SAMMSON: variants seen among roughly 807,000 people sequenced by gnomAD.
SAMMSON encodes the protein survival associated mitochondrial melanoma specific oncogenic non-coding RNA, also known as long intergenic non-protein coding RNA 1212.
At chr3:70,349,706 G>A (rs1441844154) in intron 7 of SAMMSON, among the ~76,000 whole-genome samples, 1 of 152,158 alleles carries the variant, frequency 6.6e-6, no homozygotes, top group Non-Finnish European at 1.5e-5. Context: ...GAAACAGTAT[G>A]AGCAAGAAGT....
intron 7 of SAMMSON, among the ~76,000 whole-genome samples, chr3:70,350,917 G>C (rs1702789992): frequency 6.6e-6 from 1 of 152,066 alleles, no homozygotes; most frequent in African/African-American, 2.4e-5. Context: ...TAGGTAAAAA[G>C]CACTTCAGAC....
At chr3:70,295,673 C>T (rs1254887141) in intron 7 of SAMMSON, among the ~76,000 whole-genome samples, 2 of 152,104 alleles carry the variant, frequency 1.3e-5, no homozygotes, top group Admixed American at 1.3e-4. Flanking sequence ...GCTTGAGTGA[C>T]AGTGTGAGAC....
chr3:70,027,532 T>A (rs1576101380), intron 3 of SAMMSON, among the ~76,000 whole-genome samples: 1 of 152,218 alleles, frequency 6.6e-6, no homozygotes, highest in Non-Finnish European at 1.5e-5. Context: ...TCATCAAAAA[T>A]CAATTTAATG....
chr3:70,278,127 C>T (rs901579097), intron 6 of SAMMSON, among the ~76,000 whole-genome samples: 1 of 152,146 alleles, frequency 6.6e-6, no homozygotes, highest in African/African-American at 2.4e-5. Context: ...ACCTTTGCCC[C>T]CAACTTCTTC....
intron 4 of SAMMSON, among the ~76,000 whole-genome samples, chr3:70,190,049 C>A (rs1170161160): frequency 6.6e-6 from 1 of 152,098 alleles, no homozygotes; most frequent in East Asian, 1.9e-4. Flanking sequence ...CTTAATGTAG[C>A]TAAAAATATA....
intron 4 of SAMMSON, among the ~76,000 whole-genome samples, chr3:70,189,453 T>C (rs1701115460): frequency 6.6e-6 from 1 of 152,186 alleles, no homozygotes; most frequent in South Asian, 2.1e-4. Flanking sequence ...TATTGAGAAG[T>C]CAGTTTCCAT....
At chr3:70,055,615 C>T (rs946250852) in intron 3 of SAMMSON, among the ~76,000 whole-genome samples, 5 of 152,086 alleles carry the variant, frequency 3.3e-5, no homozygotes, top group African/African-American at 4.8e-5. Context: ...TCAAATTTAT[C>T]GACATGCATT....
chr3:70,395,527 A>G (rs1186631014), intron 2 of SAMMSON, among the ~76,000 whole-genome samples: 3 of 151,978 alleles, frequency 2.0e-5, no homozygotes, highest in Non-Finnish European at 2.9e-5. Context: ...ATTCAAAACT[A>G]TTTTGTTGAA....
chr3:70,357,136 G>A (rs1214023287), intron 8 of SAMMSON, among the ~76,000 whole-genome samples: 5 of 152,024 alleles, frequency 3.3e-5, no homozygotes, highest in African/African-American at 1.2e-4. Context: ...GATGATTTTA[G>A]GATGCATTCT....
chr3:70,318,777 C>A (rs779566841), intron 7 of SAMMSON, among the ~76,000 whole-genome samples: 2 of 151,914 alleles, frequency 1.3e-5, no homozygotes, highest in African/African-American at 4.8e-5. Flanking sequence ...TTTGTCATAG[C>A]AAGTAGTTAA....
chr3:70,389,029 A>G (rs989385408), intron 9 of SAMMSON, among the ~76,000 whole-genome samples: 5 of 152,020 alleles, frequency 3.3e-5, no homozygotes, highest in Non-Finnish European at 5.9e-5. Context: ...TGTTAAAAAG[A>G]ATCTGGCTTC....
At chr3:70,022,539 G>GA (rs950535691) in intron 3 of SAMMSON, among the ~76,000 whole-genome samples, 2 of 151,206 alleles carry the variant, frequency 1.3e-5, no homozygotes, top group Non-Finnish European at 2.9e-5. Context: ...TGGTCTTTCA[G>GA]TTGGGAACAT....
intron 2 of SAMMSON, among the ~76,000 whole-genome samples, chr3:70,399,351 C>G (rs890791529): frequency 6.6e-6 from 1 of 152,066 alleles, no homozygotes; most frequent in African/African-American, 2.4e-5. Context: ...AGGTGGGTCA[C>G]AAAAGTATGA....
At chr3:70,385,728 T>C (rs541795990) in intron 9 of SAMMSON, among the ~76,000 whole-genome samples, 1 of 152,088 alleles carries the variant, frequency 6.6e-6, no homozygotes, top group Admixed American at 6.6e-5. Flanking sequence ...ATCTGATTAG[T>C]GGCAATAACT....
chr3:70,280,587 TCTCAGAAGCAGC>T (rs1349368851), intron 6 of SAMMSON, among the ~76,000 whole-genome samples: 1 of 152,114 alleles, frequency 6.6e-6, no homozygotes, highest in Admixed American at 6.6e-5. Context: ...AAAATGAAGG[TCTCAGAAGCAGC>T]CTCAGAAGCA....
At chr3:70,137,355 T>C (rs946864486) in intron 4 of SAMMSON, among the ~76,000 whole-genome samples, 7 of 152,228 alleles carry the variant, frequency 4.6e-5, no homozygotes, top group African/African-American at 1.2e-4. Flanking sequence ...TCCTGTTGCC[T>C]ATTTTTATAT....
At chr3:70,122,994 C>T (rs1055550303) in intron 4 of SAMMSON, among the ~76,000 whole-genome samples, 2 of 152,182 alleles carry the variant, frequency 1.3e-5, no homozygotes, top group Non-Finnish European at 2.9e-5. Flanking sequence ...TCCCAACTCT[C>T]TGGACTTCTA....
chr3:70,285,858 T>C (rs1366994792), intron 6 of SAMMSON, among the ~76,000 whole-genome samples: 1 of 152,074 alleles, frequency 6.6e-6, no homozygotes, highest in Non-Finnish European at 1.5e-5. Flanking sequence ...AATGTCTTCT[T>C]TTGAGAAGTG....
At chr3:70,088,121 C>T (rs2067292341) in intron 4 of SAMMSON, among the ~76,000 whole-genome samples, 1 of 152,142 alleles carries the variant, frequency 6.6e-6, no homozygotes, top group Admixed American at 6.6e-5. Context: ...GTTTTCTTCA[C>T]TTAGGGTCTC....
Sources: gnomAD v4.1 joint callset for allele counts (sites outside exome capture counted in the v4.1 genomes callset) on GRCh38, gnomAD v4.1.1 for gene constraint, MANE v1.5 for transcripts, NCBI Gene and HGNC (gene_info 2026-07-23, HGNC 2026-07-21) for gene names.